The following STAG1 variants were observed in gnomAD, a reference collection of about 807,000 sequenced individuals.
STAG1 encodes cohesin subunit SA-1.
A neutral mutation model predicts 170.9 loss-of-function variants in STAG1; 26 were observed. That is an observed-to-expected ratio of 0.15 (90% confidence interval 0.11 to 0.21). The LOEUF (loss-of-function observed/expected upper bound fraction) is 0.21, where lower values mean the gene tolerates loss of function less well. STAG1 is among the 10% of genes least tolerant of loss of function. STAG1 has a pLI of 1.00. For missense variants in STAG1, 964 were observed against 1,509.5 expected (o/e 0.64, Z 5.99); for synonymous variants, 514 against 497.7 (o/e 1.03, Z -0.44).
chr3:136,692,313 CAAA>C (rs71157399), intron 1 of STAG1, among the ~76,000 whole-genome samples: 4 of 46,226 alleles, frequency 8.7e-5, no homozygotes, highest in African/African-American at 4.0e-4. Context: ...GACTCCATCT[CAAA>C]AAAAAAAAAA....
intron 9 of STAG1, among the ~76,000 whole-genome samples, chr3:136,492,104 CT>C (rs1174152428): frequency 1.8e-4 from 27 of 152,226 alleles, no homozygotes; most frequent in Admixed American, 1.3e-4. Context: ...GTACCTACTA[CT>C]TCCAGTACGT....
chr3:136,690,056 C>CAAAAAAAAAAAAAAAA (rs57082567), intron 1 of STAG1, among the ~76,000 whole-genome samples: 11 of 56,368 alleles, frequency 2.0e-4, no homozygotes, highest in Non-Finnish European at 2.6e-4. Flanking sequence ...AAAAGCAAAC[C>CAAAAAAAAAAAAAAAA]AAAAAAAAAA....
At chr3:136,428,081 G>GAA (rs762228448) in intron 16 of STAG1, among the ~76,000 whole-genome samples, 92 of 134,872 alleles carry the variant, frequency 6.8e-4, no homozygotes, top group African/African-American at 2.4e-3. Flanking sequence ...CCCTATTCTG[G>GAA]AAAAAAAAAA....
intron 3 of STAG1, among the ~76,000 whole-genome samples, chr3:136,609,762 G>A (rs1289262540): frequency 6.6e-6 from 1 of 152,070 alleles, no homozygotes; most frequent in Non-Finnish European, 1.5e-5. Context: ...AAGTGTAAAT[G>A]CTTTTTGTTT....
intron 16 of STAG1, among the ~76,000 whole-genome samples, chr3:136,425,690 GTGTATGTA>G (rs557703470): frequency 2.5e-4 from 38 of 150,432 alleles, no homozygotes; most frequent in African/African-American, 8.5e-4. Context: ...GTGTATGTGT[GTGTATGTA>G]TGTATGTATG....
chr3:136,408,912 T>C (rs1164013751), intron 21 of STAG1, among the ~76,000 whole-genome samples: 2 of 152,148 alleles, frequency 1.3e-5, no homozygotes, highest in Admixed American at 6.5e-5. Context: ...AGCTCAGTCA[T>C]GGAAATAAGT....
At chr3:136,340,068 G>C (rs1162544087) in intron 32 of STAG1, among the ~76,000 whole-genome samples, 1 of 152,130 alleles carries the variant, frequency 6.6e-6, no homozygotes, top group East Asian at 1.9e-4. Flanking sequence ...GAACACCCAA[G>C]CTCATCCAAA....
chr3:136,633,312 T>C (rs143377361), intron 1 of STAG1, among the ~76,000 whole-genome samples: 1 of 149,894 alleles, frequency 6.7e-6, no homozygotes, highest in East Asian at 2.0e-4. Context: ...AAAAGAACTA[T>C]ATAACCAGTA....
chr3:136,421,102 G>T lies in STAG1; in HGVS notation c.2099C>A (p.Ser700Tyr). Residue 700 changes from serine to tyrosine, a missense_variant, in exon 20 of 34, where the codon TCT becomes TAT. By Grantham distance (144) the Ser-to-Tyr change is moderately radical. Coordinates refer to ENST00000383202, the MANE Select transcript of STAG1 (RefSeq NM_005862.3). ...AAATAAAATAACGTACTTGTGAAAA[G>T]AAGTTAACCGCTTTAATGTAGAAAG... is the stretch of plus-strand genomic sequence containing the variant. Reference protein sequence around the residue: ...NVLSTLKRLTSFHNAHDLTKW... With the variant: ...NVLSTLKRLTYFHNAHDLTKW... 1 of 1,599,522 alleles carries T rather than the reference G, an allele frequency of 6.3e-7. No homozygotes were observed. Among genetic ancestry groups the T allele is most frequent in the Non-Finnish European group, 8.5e-7 (1 of 1,171,934 alleles).
chr3:136,347,153 G>C (rs1360431016), intron 29 of STAG1, among the ~76,000 whole-genome samples: 1 of 150,622 alleles, frequency 6.6e-6, no homozygotes, highest in Admixed American at 6.6e-5. Context: ...CCAGCACTTT[G>C]AGAAGCCAAG....
intron 13 of STAG1, among the ~76,000 whole-genome samples, chr3:136,460,417 G>A (rs1002022534): frequency 1.1e-4 from 16 of 151,924 alleles, no homozygotes; most frequent in Non-Finnish European, 1.5e-4. Context: ...GCCTGGCCAA[G>A]ATGGTGAAAC....
At chr3:136,733,049 GCACAA>G (rs1934130758) in intron 1 of STAG1, among the ~76,000 whole-genome samples, 1 of 150,590 alleles carries the variant, frequency 6.6e-6, no homozygotes, top group Non-Finnish European at 1.5e-5. Context: ...TTGGATCTAT[GCACAA>G]CACAATATAG....
chr3:136,370,052 TATACTATACTATAC>T (rs1937240549), intron 23 of STAG1, among the ~76,000 whole-genome samples: 1 of 132 alleles, frequency 7.6e-3, no homozygotes, highest in African/African-American at 0.016. Context: ...ATGTATTTAC[TATACTATACTATAC>T]TATACTATAC....
At chr3:136,700,459 G>C (rs1342117397) in intron 1 of STAG1, among the ~76,000 whole-genome samples, 2 of 143,138 alleles carry the variant, frequency 1.4e-5, no homozygotes, top group Admixed American at 7.1e-5. Context: ...CGCTCTTGTT[G>C]CCCAGGCTGG....
chr3:136,602,204 C>T (rs778199545), intron 4 of STAG1, among the ~76,000 whole-genome samples: 2 of 151,732 alleles, frequency 1.3e-5, no homozygotes, highest in South Asian at 2.1e-4. Flanking sequence ...CATGGTAAAG[C>T]CCCGTCTCTA....
chr3:136,533,489 A>G (rs1935476873), intron 6 of STAG1, among the ~76,000 whole-genome samples: 1 of 152,106 alleles, frequency 6.6e-6, no homozygotes, highest in Non-Finnish European at 1.5e-5. Flanking sequence ...ATAGTACTGG[A>G]GTCTGCTCGT....
chr3:136,441,378 T>C (rs1429218904), intron 15 of STAG1, among the ~76,000 whole-genome samples: 1 of 152,146 alleles, frequency 6.6e-6, no homozygotes, highest in East Asian at 1.9e-4. Context: ...AAAGACCATG[T>C]GCAAATAAAA....
intron 7 of STAG1, among the ~76,000 whole-genome samples, chr3:136,510,647 G>A (rs1441229953): frequency 7.4e-6 from 1 of 135,574 alleles, no homozygotes; most frequent in Non-Finnish European, 1.6e-5. Context: ...GTCTTGCTGT[G>A]TCACCAAGGC....
At chr3:136,348,105 G>GA (rs1281906930) in intron 29 of STAG1, among the ~76,000 whole-genome samples, 1 of 152,118 alleles carries the variant, frequency 6.6e-6, no homozygotes, top group East Asian at 1.9e-4. Context: ...GTAAGATGCT[G>GA]AAAGATAAGA....
Sources: gnomAD v4.1 joint callset for allele counts (sites outside exome capture counted in the v4.1 genomes callset) on GRCh38, gnomAD v4.1.1 for gene constraint, MANE v1.5 for transcripts, NCBI Gene and HGNC (gene_info 2026-07-23, HGNC 2026-07-21) for gene names.